TMEM132D: variants seen among roughly 807,000 people sequenced by gnomAD.
TMEM132D encodes the protein transmembrane protein 132D.
In TMEM132D, 21 loss-of-function variants were observed where a neutral mutation model predicts 62.3. The observed-to-expected ratio is 0.34, with a 90% CI of 0.24 to 0.49. The LOEUF is 0.49. Ranked by LOEUF, TMEM132D falls within the 20% of genes least tolerant of loss-of-function variation. The pLI is 0.99. For synonymous variants in TMEM132D, 621 were observed against 575.6 expected (o/e 1.08, Z -1.13); for missense variants, 1,346 against 1,402.8 (o/e 0.96, Z 0.65).
chr12:129,311,176 C>T (rs1453565426), intron 4 of TMEM132D, among the ~76,000 whole-genome samples: 3 of 77,526 alleles, frequency 3.9e-5, no homozygotes, highest in East Asian at 7.0e-4. Flanking sequence ...CCAGCCTGGG[C>T]GACAGAGCGA....
intron 4 of TMEM132D, among the ~76,000 whole-genome samples, chr12:129,294,234 G>C (rs1326961027): frequency 2.0e-5 from 3 of 152,102 alleles, no homozygotes. Context: ...CGAATGATGG[G>C]TATTGGTAAT....
At chr12:129,350,405 T>C (rs1869826104) in intron 3 of TMEM132D, among the ~76,000 whole-genome samples, 1 of 152,184 alleles carries the variant, frequency 6.6e-6, no homozygotes, top group Admixed American at 6.5e-5. Flanking sequence ...GAATAAATAG[T>C]TGGGTCCACT....
chr12:129,253,371 C>T lies in TMEM132D; in HGVS notation c.1300-43708G>A, dbSNP rs79020367. ...GCAGACAACTTGAGGACTAGATGTG[C>T]GCACCCCACCCAAAGCCTGAGCACT... On this transcript the variant is annotated intron_variant, in intron 4 of 8. Coordinates refer to ENST00000422113, the MANE Select transcript of TMEM132D (RefSeq NM_133448.3). Among the ~76,000 whole-genome samples, 57 of 152,038 alleles carry T rather than the reference C, an allele frequency of 3.7e-4. No individual in the cohort carries two copies. In the East Asian group the frequency reaches 8.3e-3, roughly 22 times the overall value.
chr12:129,289,439 A>T (rs1881386389), intron 4 of TMEM132D, among the ~76,000 whole-genome samples: 1 of 151,582 alleles, frequency 6.6e-6, no homozygotes, highest in African/African-American at 2.4e-5. Flanking sequence ...AGCTACACAG[A>T]AGGCTGAGGA....
intron 2 of TMEM132D, among the ~76,000 whole-genome samples, chr12:129,589,106 C>T (rs2137133184): frequency 6.6e-6 from 1 of 152,110 alleles, no homozygotes; most frequent in Non-Finnish European, 1.5e-5. Flanking sequence ...AGCTGTGTCC[C>T]CACTCAAATC....
At chr12:129,309,747 A>G (rs1881927635) in intron 4 of TMEM132D, among the ~76,000 whole-genome samples, 1 of 152,174 alleles carries the variant, frequency 6.6e-6, no homozygotes, top group African/African-American at 2.4e-5. Context: ...CTCATTGGGA[A>G]GAGAAGCATG....
intron 4 of TMEM132D, among the ~76,000 whole-genome samples, chr12:129,262,033 T>A (rs777600938): frequency 9.9e-5 from 15 of 152,018 alleles, no homozygotes; most frequent in Non-Finnish European, 1.6e-4. Context: ...AGTATGGGCT[T>A]GGGGGCACCT....
At chr12:129,119,754 C>A (rs548484197) in intron 5 of TMEM132D, among the ~76,000 whole-genome samples, 1 of 151,992 alleles carries the variant, frequency 6.6e-6, no homozygotes, top group Non-Finnish European at 1.5e-5. Flanking sequence ...GAGATACAGC[C>A]ATGAATGGTA....
At chr12:129,480,759 C>T (rs1197562848) in intron 3 of TMEM132D, among the ~76,000 whole-genome samples, 3 of 152,156 alleles carry the variant, frequency 2.0e-5, no homozygotes, top group Admixed American at 2.0e-4. Context: ...AACGGTAGCT[C>T]TTCTGCGTTG....
At chr12:129,735,807 A>G (rs1263323958) in intron 1 of TMEM132D, among the ~76,000 whole-genome samples, 3 of 152,180 alleles carry the variant, frequency 2.0e-5, no homozygotes, top group East Asian at 1.9e-4. Flanking sequence ...AGGATATTCT[A>G]TCTCTTGACC....
At chr12:129,237,114 G>A (rs1258339723) in intron 4 of TMEM132D, among the ~76,000 whole-genome samples, 4 of 152,058 alleles carry the variant, frequency 2.6e-5, no homozygotes, top group African/African-American at 4.8e-5. Flanking sequence ...ATATGCTATT[G>A]AATACAGTTT....
chr12:129,244,104 G>A (rs368391961), intron 4 of TMEM132D, among the ~76,000 whole-genome samples: 5 of 152,264 alleles, frequency 3.3e-5, no homozygotes, highest in Admixed American at 1.3e-4. Flanking sequence ...AAATTATTCC[G>A]GCCGGGTGCG....
chr12:129,813,611 G>GATATATATATATATATAT lies in TMEM132D; in HGVS notation c.79+89632_79+89649dup, dbSNP rs3046846. On this transcript the variant is annotated intron_variant, in intron 1 of 8. Transcript: ENST00000422113. ...AAGGATGGACGGATACAGAAAATGT[G>GATATATATATATATATAT]ATATATATATATATATATATTTTCA... 1.1e-3 allele frequency among the ~76,000 whole-genome samples: 156 copies of GATATATATATATATATAT among 136,662 alleles called. 4 individuals carry two copies. Among genetic ancestry groups the GATATATATATATATATAT allele is most frequent in the African/African-American group, 2.9e-3 (109 of 38,124 alleles). The allele number at this position is 136,662 out of a possible 152,430, so 89.7% of individuals were successfully genotyped here. A position where few individuals can be genotyped will look rare whatever the true frequency, so the allele number is the denominator to read the frequency against.
At position 129,839,117 on chromosome 12, in the gene TMEM132D, A is replaced by AT. The variant is rs71085578; in HGVS notation, c.79+64143dup. ...AGGCGTCCACCACCACGCCTGGCTA[A>AT]TTTTTTTTTTTTTTTTTTTTTTTTT... On this transcript the variant is annotated intron_variant, in intron 1 of 8. Coordinates refer to ENST00000422113, the MANE Select transcript of TMEM132D (RefSeq NM_133448.3). Among the ~76,000 whole-genome samples, 134 of 20,706 alleles carry AT rather than the reference A, an allele frequency of 6.5e-3. 24 individuals are homozygous for AT. Among genetic ancestry groups the AT allele is most frequent in the Middle Eastern group, 0.045 (1 of 22 alleles). The allele number at this position is 20,706 out of a possible 152,430, so 13.6% of individuals were successfully genotyped here. A position where few individuals can be genotyped will look rare whatever the true frequency, so the allele number is the denominator to read the frequency against.
chr12:129,518,544 C>CGT lies in TMEM132D; in HGVS notation c.1115+12513_1115+12514dup, dbSNP rs374134048. The stretch of plus-strand genomic sequence containing the variant: ...GTGTGTATATACATATACACATGTG[C>CGT]GTGTGTGTGTGTGTATATATATACA... On this transcript the variant is annotated intron_variant, in intron 3 of 8. Transcript: ENST00000422113. 3.5e-3 allele frequency among the ~76,000 whole-genome samples: 348 copies of CGT among 99,442 alleles called. 4 individuals are homozygous for CGT. The highest frequency in any genetic ancestry group is 0.018 in the East Asian group (87 of 4,844). The allele number at this position is 99,442 out of a possible 152,430, so 65.2% of individuals were successfully genotyped here.
rs1880397304 is a variant in TMEM132D, at chr12:129,667,173, T to C, written c.968+32637A>G. Among the ~76,000 whole-genome samples the C allele has an allele frequency of 2.0e-5, 3 of 152,270 alleles. No individual in the cohort carries two copies. The East Asian group carries it at 5.8e-4, about 29-fold the overall frequency. On this transcript the variant is annotated intron_variant, in intron 2 of 8. Transcript: ENST00000422113. ...AACTGATCTGCTGTTTGATGGAAAA[T>C]TGTAAAGGGTTCTAAAAAGTTTATG...
chr12:129,282,122 A>T (rs1881172470), intron 4 of TMEM132D, among the ~76,000 whole-genome samples: 1 of 152,210 alleles, frequency 6.6e-6, no homozygotes, highest in African/African-American at 2.4e-5. Context: ...CCTAAGATGA[A>T]GTCAGAGCTA....
At chr12:129,282,749 C>T (rs550735193) in intron 4 of TMEM132D, among the ~76,000 whole-genome samples, 9 of 152,258 alleles carry the variant, frequency 5.9e-5, no homozygotes, top group South Asian at 2.1e-4. Flanking sequence ...ACTGAGATGA[C>T]GGTTGTACCC....
Position 129,148,377 on chromosome 12 carries a change from T to C in TMEM132D, c.1443+61143A>G, listed in dbSNP as rs371921928. On this transcript the variant is annotated intron_variant, in intron 5 of 8. Coordinates refer to ENST00000422113, the MANE Select transcript of TMEM132D (RefSeq NM_133448.3). ...TAAGGGTTTTAAAATGGGGAGGTTA[T>C]CCTGGTTTATCTGGGTAGCCCAATG... Among the ~76,000 whole-genome samples the C allele has an allele frequency of 4.2e-3, 634 of 152,272 alleles. 5 individuals are homozygous for C. The highest frequency in any genetic ancestry group is 0.014 in the African/African-American group (588 of 41,546).
Sources: allele counts gnomAD v4.1 joint callset (sites outside exome capture counted in the v4.1 genomes callset), GRCh38; gene constraint gnomAD v4.1.1; transcripts MANE v1.5; gene names NCBI Gene and HGNC (gene_info 2026-07-23, HGNC 2026-07-21).